The following CNTLN variants were observed in gnomAD, a reference collection of about 807,000 sequenced individuals.
CNTLN encodes the protein centlein.
Under a neutral mutation model 180.0 loss-of-function variants are expected in CNTLN, and 212 were observed. The ratio of observed to expected loss-of-function variants is 1.18; its 90% CI spans 1.05 to 1.32. The LOEUF is 1.32. Ranked by LOEUF, CNTLN falls within the 40% of genes most tolerant of loss-of-function variation. CNTLN has a pLI of 0.00. For missense variants in CNTLN, 2,095 were observed against 1,610.9 expected (o/e 1.30, Z -5.14); for synonymous variants, 722 against 563.1 (o/e 1.28, Z -3.99).
chr9:17,329,651 C>A (rs906902878), intron 8 of CNTLN, among the ~76,000 whole-genome samples: 4 of 151,496 alleles, frequency 2.6e-5, no homozygotes, highest in Non-Finnish European at 4.4e-5. Flanking sequence ...TTTTGCGTAT[C>A]CTCTCAAAAA....
intron 18 of CNTLN, among the ~76,000 whole-genome samples, chr9:17,433,742 A>T (rs1038196360): frequency 1.3e-5 from 2 of 151,946 alleles, no homozygotes; most frequent in African/African-American, 4.8e-5. Flanking sequence ...ACCATGCCCA[A>T]CTATTTTAAA....
At chr9:17,206,620 A>T (rs535976176) in intron 2 of CNTLN, among the ~76,000 whole-genome samples, 1 of 152,286 alleles carries the variant, frequency 6.6e-6, no homozygotes, top group South Asian at 2.1e-4. Flanking sequence ...CTGTAAGGGT[A>T]TTTTCCTACA....
intron 2 of CNTLN, among the ~76,000 whole-genome samples, chr9:17,184,453 A>C (rs1166099611): frequency 6.6e-6 from 1 of 152,196 alleles, no homozygotes; most frequent in Non-Finnish European, 1.5e-5. Flanking sequence ...CGTTATGCAT[A>C]AGATGTTACT....
At chr9:17,226,788 T>G (rs1563900951) in intron 3 of CNTLN, among the ~76,000 whole-genome samples, 1 of 151,950 alleles carries the variant, frequency 6.6e-6, no homozygotes, top group Non-Finnish European at 1.5e-5. Context: ...CAGTACAGGA[T>G]GCATAGCAAC....
At chr9:17,259,475 T>A (rs1258143178) in intron 5 of CNTLN, among the ~76,000 whole-genome samples, 3 of 148,776 alleles carry the variant, frequency 2.0e-5, no homozygotes, top group Non-Finnish European at 2.9e-5. Flanking sequence ...GGTATCAGAA[T>A]GATGCTGGCC....
Position 17,259,912 on chromosome 9 carries a change from C to T in CNTLN, c.850-13821C>T, listed in dbSNP as rs562024887. Among the ~76,000 whole-genome samples, 406 of 134,700 alleles carry T rather than the reference C, an allele frequency of 3.0e-3. 71 individuals are homozygous for T. The highest frequency in any genetic ancestry group is 0.012 in the African/African-American group (380 of 31,716). The allele number at this position is 134,700 out of a possible 152,430, so 88.4% of individuals were successfully genotyped here. ...TAGCGGTCTATCTATTTTGTTGATC[C>T]TTTCAAAAAACCAGCTCCTGGATTC... On this transcript the variant is annotated intron_variant, in intron 5 of 25. Transcript: ENST00000380647.
At chr9:17,261,835 C>G (rs576146605) in intron 5 of CNTLN, among the ~76,000 whole-genome samples, 49 of 151,568 alleles carry the variant, frequency 3.2e-4, no homozygotes, top group South Asian at 1.0e-3. Flanking sequence ...ATCTACCATT[C>G]TGACAAAGGT....
intron 18 of CNTLN, among the ~76,000 whole-genome samples, chr9:17,423,508 G>A (rs535107333): frequency 6.6e-6 from 1 of 152,196 alleles, no homozygotes; most frequent in South Asian, 2.1e-4. Context: ...CCTGCCTGGA[G>A]TAAAGGGAGG....
At chr9:17,423,130 T>C in intron 18 of CNTLN, among the ~76,000 whole-genome samples, 1 of 152,036 alleles carries the variant, frequency 6.6e-6, no homozygotes, top group East Asian at 1.9e-4. Context: ...CTGAGTCACT[T>C]CGATGTCCAC....
At chr9:17,423,766 C>T (rs753467248) in intron 18 of CNTLN, among the ~76,000 whole-genome samples, 2 of 152,072 alleles carry the variant, frequency 1.3e-5, no homozygotes, top group Non-Finnish European at 2.9e-5. Flanking sequence ...TTAAATGCAC[C>T]TTCTCTGGGC....
intron 15 of CNTLN, among the ~76,000 whole-genome samples, chr9:17,399,859 A>G (rs1826832552): frequency 6.6e-6 from 1 of 152,180 alleles, no homozygotes; most frequent in Admixed American, 6.5e-5. Flanking sequence ...AATCTGAATG[A>G]ACAGCCACAC....
chr9:17,322,712 G>A (rs1820001226), intron 8 of CNTLN, among the ~76,000 whole-genome samples: 1 of 151,936 alleles, frequency 6.6e-6, no homozygotes, highest in South Asian at 2.1e-4. Flanking sequence ...TTGCCATCTG[G>A]GTGCAGCTTG....
rs184663651 is a variant in CNTLN, at chr9:17,368,164, C to G, written c.1987+1447C>G. Among the ~76,000 whole-genome samples the G allele has an allele frequency of 1.2e-3, 177 of 152,208 alleles. 1 individual carries two copies. The highest frequency in any genetic ancestry group is 2.0e-3 in the Admixed American group (31 of 15,294). Reference sequence around the variant, plus strand: ...CCTGGCAGCATTTGTGGCAAGCTGACTGAAGAGCCCTTGGGCTTTAAGGAA... The same window carrying G: ...CCTGGCAGCATTTGTGGCAAGCTGAGTGAAGAGCCCTTGGGCTTTAAGGAA... On this transcript the variant is annotated intron_variant, in intron 13 of 25. Transcript: ENST00000380647.
Position 17,362,551 on chromosome 9 carries a change from G to A in CNTLN, c.1887-4066G>A, listed in dbSNP as rs150243999. On this transcript the variant is annotated intron_variant, in intron 12 of 25. Coordinates refer to ENST00000380647, the MANE Select transcript of CNTLN (RefSeq NM_017738.4). ...GTATACTGAGTGAGGGGAAGGAGAG[G>A]CTACCTAATTTTTACTTCAAATAAC... Among the ~76,000 whole-genome samples, 314 of 152,142 alleles carry A rather than the reference G, an allele frequency of 2.1e-3. 1 individual carries two copies. The highest frequency in any genetic ancestry group is 7.2e-3 in the African/African-American group (298 of 41,482).
intron 18 of CNTLN, among the ~76,000 whole-genome samples, chr9:17,442,248 C>G (rs1830154833): frequency 6.6e-6 from 1 of 152,094 alleles, no homozygotes; most frequent in South Asian, 2.1e-4. Context: ...GAAATATTTT[C>G]CAGGATAGAC....
chr9:17,401,941 G>C (rs1313547641), intron 15 of CNTLN, among the ~76,000 whole-genome samples: 1 of 151,660 alleles, frequency 6.6e-6, no homozygotes, highest in Non-Finnish European at 1.5e-5. Context: ...AAGATTTAAA[G>C]ATCATCTACA....
At chr9:17,422,560 A>T (rs570416536) in intron 18 of CNTLN, among the ~76,000 whole-genome samples, 1 of 152,124 alleles carries the variant, frequency 6.6e-6, no homozygotes, top group Admixed American at 6.5e-5. Context: ...ATTGGTTTTT[A>T]AAAATTATTT....
At chr9:17,374,372 A>G (rs1404740942) in intron 13 of CNTLN, among the ~76,000 whole-genome samples, 2 of 152,224 alleles carry the variant, frequency 1.3e-5, no homozygotes, top group Non-Finnish European at 2.9e-5. Context: ...AATGCTCAAC[A>G]TTATTGATCA....
intron 18 of CNTLN, among the ~76,000 whole-genome samples, chr9:17,425,036 GCT>G (rs1488122467): frequency 6.6e-6 from 1 of 152,086 alleles, no homozygotes; most frequent in Non-Finnish European, 1.5e-5. Context: ...CTTCTAAAAA[GCT>G]CTCTCCTGAA....
Sources: gnomAD v4.1 joint callset for allele counts (sites outside exome capture counted in the v4.1 genomes callset) on GRCh38, gnomAD v4.1.1 for gene constraint, MANE v1.5 for transcripts, NCBI Gene and HGNC (gene_info 2026-07-23, HGNC 2026-07-21) for gene names.